Variants in SMIM14 observed in about 807,000 individuals in gnomAD.
SMIM14 encodes the protein small integral membrane protein 14.
A neutral mutation model predicts 12.6 loss-of-function variants in SMIM14; 5 were observed. The ratio of observed to expected loss-of-function variants is 0.40; its 90% CI spans 0.21 to 0.83. SMIM14 has a LOEUF of 0.83. Among genes scored for constraint, SMIM14 ranks in the 40% least tolerant of loss-of-function variants. The pLI is 0.37. For missense variants in SMIM14, 86 were observed against 119.1 expected, an observed-to-expected ratio of 0.72 and a Z score of 1.29; for synonymous variants, 30 against 40.1, an observed-to-expected ratio of 0.75 and a Z score of 0.95.
At chr4:39,617,571 T>C (rs1715270670) in intron 1 of SMIM14, among the ~76,000 whole-genome samples, 1 of 152,204 alleles carries the variant, frequency 6.6e-6, no homozygotes, top group African/African-American at 2.4e-5. Context: ...ATAAAAGGGA[T>C]TGTAACTCCA....
intron 1 of SMIM14, among the ~76,000 whole-genome samples, chr4:39,625,700 G>A (rs1413884646): frequency 6.6e-6 from 1 of 152,138 alleles, no homozygotes; most frequent in Admixed American, 6.5e-5. Context: ...CAAAGTGCTG[G>A]GATGACAGGC....
At position 39,606,867 on chromosome 4, in the gene SMIM14, T is replaced by C. The variant is rs145127134; in HGVS notation, c.-35-1687A>G. On this transcript the variant is annotated intron_variant, in intron 1 of 4. Transcript: ENST00000295958. ...CTATATTAAGGAGAGACATTAAAGA[T>C]AGTAAAATCATCCAACTGGACTGGT... 1.9e-3 allele frequency among the ~76,000 whole-genome samples: 292 copies of C among 152,190 alleles called. 1 individual carries two copies. Among genetic ancestry groups the C allele is most frequent in the African/African-American group, 6.7e-3 (277 of 41,502 alleles).
At position 39,618,298 on chromosome 4, in the gene SMIM14, T is replaced by C. The variant is rs73139487; in HGVS notation, c.-35-13118A>G. On this transcript the variant is annotated intron_variant, in intron 1 of 4. Transcript: ENST00000295958. ...TTGAACACCTTGATACTGAACACTG[T>C]AACAGGCATGGGAAAAACGATGAGC... Among the ~76,000 whole-genome samples, 958 of 152,166 alleles carry C rather than the reference T, an allele frequency of 6.3e-3. 9 individuals are homozygous for C. Among genetic ancestry groups the C allele is most frequent in the African/African-American group, 0.021 (886 of 41,492 alleles).
rs936507519 is a variant in SMIM14, at chr4:39,548,703, T to C, written c.*3423A>G. ...AATTAAATGGAATAATATAAATTAC[T>C]AGGTCAACAAGAATATTTCATGTAT... is the stretch of plus-strand genomic sequence containing the variant. On this transcript the variant is annotated 3_prime_UTR_variant, in exon 5 of 5. Transcript: ENST00000295958. The C allele has an allele frequency of 2.1e-4, 32 of 152,224 alleles. No homozygotes were observed. The highest frequency in any genetic ancestry group is 7.0e-4 in the African/African-American group (29 of 41,460). The allele number at this position is 152,224 out of a possible 1,614,324, so 9.4% of individuals were successfully genotyped here. A position where few individuals can be genotyped will look rare whatever the true frequency, so the allele number is the denominator to read the frequency against.
At chr4:39,611,887 C>T (rs1465400950) in intron 1 of SMIM14, 3 of 151,978 alleles carry the variant, frequency 2.0e-5, no homozygotes, top group African/African-American at 7.3e-5. Context: ...TTTGGTGAAC[C>T]AACCAACATA....
At position 39,548,398 on chromosome 4, in the gene SMIM14, T is replaced by C. The variant is rs981453278; in HGVS notation, c.*3728A>G. ...TGGTAGAGACAGGGTCTTGCTATGTTGCCCAGGCTAGTCTCAAACTCCTGG... is the reference window on the plus strand; with the variant it reads ...TGGTAGAGACAGGGTCTTGCTATGTCGCCCAGGCTAGTCTCAAACTCCTGG... On this transcript the variant is annotated 3_prime_UTR_variant, in exon 5 of 5. Transcript: ENST00000295958. 6.6e-6 allele frequency: 1 copy of C among 151,680 alleles called. No individual in the cohort carries two copies. Among genetic ancestry groups the C allele is most frequent in the African/African-American group, 2.4e-5 (1 of 41,248 alleles). 9.4% of individuals were successfully genotyped at this position (151,680 alleles called of 1,614,324 possible).
In SMIM14 at chr4:39,550,563, TGA is replaced by T. The variant is rs953526897; in HGVS notation, c.*1561_*1562del. On this transcript the variant is annotated 3_prime_UTR_variant, in exon 5 of 5. Transcript: ENST00000295958. ...TCCCAAAGTGCTGGGATTACAGGCGTGAGCCACCGTGCCCAGCCCATGCAGAC... is the reference window on the plus strand; with the variant it reads ...TCCCAAAGTGCTGGGATTACAGGCGTGCCACCGTGCCCAGCCCATGCAGAC... The T allele has an allele frequency of 6.6e-6, 1 of 152,274 alleles. No individual in the cohort carries two copies. Among genetic ancestry groups the T allele is most frequent in the Non-Finnish European group, 1.5e-5 (1 of 68,108 alleles). 9.4% of individuals were successfully genotyped at this position (152,274 alleles called of 1,614,324 possible).
chr4:39,600,968 A>T (rs1439822412), intron 2 of SMIM14, among the ~76,000 whole-genome samples: 2 of 152,160 alleles, frequency 1.3e-5, no homozygotes, highest in East Asian at 3.8e-4. Flanking sequence ...GGGAATGTAT[A>T]TTCAGGGCAA....
At chr4:39,637,654 G>A (rs1414868686) in intron 1 of SMIM14, among the ~76,000 whole-genome samples, 1 of 151,786 alleles carries the variant, frequency 6.6e-6, no homozygotes, top group East Asian at 1.9e-4. Context: ...CAGTGCTGTC[G>A]ACGGCCGCGG....
chr4:39,598,211 C>A (rs1162377730), intron 2 of SMIM14, among the ~76,000 whole-genome samples: 1 of 152,230 alleles, frequency 6.6e-6, no homozygotes, highest in East Asian at 1.9e-4. Flanking sequence ...GATCCAGCTA[C>A]TCAATAGACC....
chr4:39,576,686 T>A (rs11096997), intron 2 of SMIM14, among the ~76,000 whole-genome samples: 443 of 4,486 alleles, frequency 0.099, 2 homozygotes, highest in African/African-American at 0.16. Context: ...ATATATATAT[T>A]TTTTTTTTTT....
chr4:39,610,451 T>C (rs1301986446), intron 1 of SMIM14, among the ~76,000 whole-genome samples: 1 of 115,848 alleles, frequency 8.6e-6, no homozygotes, highest in Non-Finnish European at 1.8e-5. Flanking sequence ...GGTGATTGTC[T>C]TTTTTTTTAA....
chr4:39,564,267 A>C (rs1560284608), intron 3 of SMIM14, among the ~76,000 whole-genome samples: 1 of 152,196 alleles, frequency 6.6e-6, no homozygotes, highest in Non-Finnish European at 1.5e-5. Flanking sequence ...GGTCCTATAC[A>C]GTAATTACAT....
chr4:39,572,428 C>T lies in SMIM14; in HGVS notation c.111G>A (p.Glu37=), dbSNP rs779166318. 1 of 1,610,820 alleles carries T rather than the reference C, an allele frequency of 6.2e-7. No individual in the cohort carries two copies. Among genetic ancestry groups the T allele is most frequent in the South Asian group, 1.1e-5 (1 of 90,634 alleles). ...RQSQSYCTDT[E]CLQELPGPSG... ...AGTGGTACTTACATTCCTGAAGACA[C>T]TCTGTGTCTGTGCAGTAGGACTGGG... The change falls in exon 3 of 5, where the codon GAG becomes GAA. Residue 37 remains glutamate, a synonymous_variant. Transcript: ENST00000295958.
At chr4:39,623,789 G>A (rs1182791032) in intron 1 of SMIM14, among the ~76,000 whole-genome samples, 1 of 152,178 alleles carries the variant, frequency 6.6e-6, no homozygotes, top group Non-Finnish European at 1.5e-5. Flanking sequence ...TTGAACCCAG[G>A]AGGCAGAGGT....
At chr4:39,555,776 C>G (rs1327022437) in intron 4 of SMIM14, among the ~76,000 whole-genome samples, 1 of 152,008 alleles carries the variant, frequency 6.6e-6, no homozygotes, top group African/African-American at 2.4e-5. Flanking sequence ...AGTGTCTCTA[C>G]TGAATAGCTA....
intron 3 of SMIM14, among the ~76,000 whole-genome samples, chr4:39,560,043 G>C (rs1712222367): frequency 6.6e-6 from 1 of 151,784 alleles, no homozygotes; most frequent in Admixed American, 6.6e-5. Flanking sequence ...GATGGCTTGA[G>C]CCCAGGAGGT....
intron 2 of SMIM14, among the ~76,000 whole-genome samples, chr4:39,576,687 T>TA (rs1560289825): frequency 1.0e-3 from 4 of 3,948 alleles, no homozygotes; most frequent in African/African-American, 4.6e-3. Flanking sequence ...TATATATATT[T>TA]TTTTTTTTTT....
At chr4:39,604,955 T>C (rs1305399703) in intron 2 of SMIM14, 116 bp downstream of exon 2, 4 of 682,528 alleles carry the variant, frequency 5.9e-6, no homozygotes, top group East Asian at 2.9e-5. Flanking sequence ...ATTTCAATTA[T>C]GAAATACTCT....
Sources: gnomAD v4.1 joint callset for allele counts (sites outside exome capture counted in the v4.1 genomes callset) on GRCh38, gnomAD v4.1.1 for gene constraint, MANE v1.5 for transcripts, NCBI Gene and HGNC (gene_info 2026-07-23, HGNC 2026-07-21) for gene names.